BST1: variants seen among roughly 807,000 people sequenced by gnomAD.
BST1 encodes the protein ADP-ribosyl cyclase/cyclic ADP-ribose hydrolase 2.
Under a neutral mutation model 40.6 loss-of-function variants are expected in BST1, and 49 were observed. That is an observed-to-expected ratio of 1.21 (90% CI 0.96 to 1.53). The LOEUF is 1.53. Ranked by LOEUF, BST1 falls within the 40% of genes most tolerant of loss-of-function variation. The pLI is 0.00. For missense variants in BST1, 423 were observed against 395.9 expected (o/e 1.07, Z -0.58); for synonymous variants, 157 against 159.3 (o/e 0.99, Z 0.11).
the BST1 span, among the ~76,000 whole-genome samples, chr4:15,769,107 A>G: frequency 6.6e-6 from 1 of 152,136 alleles, no homozygotes; most frequent in Non-Finnish European, 1.5e-5. Context: ...TATGAATTCC[A>G]GCATCTCCCT....
the BST1 span, among the ~76,000 whole-genome samples, chr4:15,763,307 C>A: frequency 6.6e-6 from 1 of 151,312 alleles, no homozygotes; most frequent in Non-Finnish European, 1.5e-5. Context: ...AAAGATAAGG[C>A]AAAATATGTA....
At chr4:15,750,530 T>A in the BST1 span, among the ~76,000 whole-genome samples, 2 of 152,196 alleles carry the variant, frequency 1.3e-5, no homozygotes, top group Admixed American at 1.3e-4. Flanking sequence ...ATAAGACAGA[T>A]GTTGCTCTCA....
At chr4:15,746,442 G>A in the BST1 span, among the ~76,000 whole-genome samples, 313 of 152,286 alleles carry the variant, frequency 2.1e-3, 4 homozygotes, top group African/African-American at 7.1e-3. Flanking sequence ...CAAGAGCATC[G>A]CACTAGTATC....
intron 7 of BST1, among the ~76,000 whole-genome samples, chr4:15,721,053 C>G (rs1322771095): frequency 1.3e-5 from 2 of 152,208 alleles, no homozygotes; most frequent in African/African-American, 4.8e-5. Flanking sequence ...CAGGGCTCTT[C>G]TCTTCCAGGC....
intron 8 of BST1, chr4:15,731,066 T>C: frequency 2.0e-6 from 1 of 505,626 alleles, no homozygotes; most frequent in Non-Finnish European, 3.6e-6. Context: ...ACCAAGAAGT[T>C]GACAGGCAGG....
the BST1 span, among the ~76,000 whole-genome samples, chr4:15,774,029 T>G: frequency 6.6e-6 from 1 of 152,058 alleles, no homozygotes; most frequent in Admixed American, 6.6e-5. Context: ...GGTAATAGCT[T>G]CAAAAAGGTA....
intron 6 of BST1, among the ~76,000 whole-genome samples, chr4:15,716,354 A>T (rs1417846341): frequency 6.6e-6 from 1 of 152,232 alleles, no homozygotes; most frequent in Non-Finnish European, 1.5e-5. Flanking sequence ...AAGATAAAAA[A>T]GTTAAACTGA....
At chr4:15,731,626 A>G (rs1271141819) in intron 8 of BST1, 114 bp from the exon 9 acceptor site, 3 of 1,396,152 alleles carry the variant, frequency 2.1e-6, no homozygotes, top group African/African-American at 1.4e-5. Flanking sequence ...TTTGCTGCTC[A>G]TGGCTTCTCG....
At chr4:15,733,253 GAC>G (rs1721451330), downstream of BST1, among the ~76,000 whole-genome samples, 1 of 152,186 alleles carries the variant, frequency 6.6e-6, no homozygotes, top group Non-Finnish European at 1.5e-5. Context: ...CCTTTAGCTA[GAC>G]ACAGAGTGCT....
chr4:15,707,704 C>T (rs1719958859), intron 3 of BST1, 58 bp downstream of exon 3: 1 of 1,587,860 alleles, frequency 6.3e-7, no homozygotes, highest in Non-Finnish European at 8.6e-7. Flanking sequence ...TATGCATTAC[C>T]ATTTGTGCTA....
At chr4:15,730,691 G>A (rs1158628110) in intron 8 of BST1, among the ~76,000 whole-genome samples, 1 of 152,182 alleles carries the variant, frequency 6.6e-6, no homozygotes, top group Non-Finnish European at 1.5e-5. Flanking sequence ...AATGTCTTGA[G>A]ATGGTATTTC....
downstream of BST1, among the ~76,000 whole-genome samples, chr4:15,740,237 TG>T (rs549874593): frequency 7.0e-4 from 107 of 152,202 alleles, 1 homozygote; most frequent in Non-Finnish European, 1.4e-3. Context: ...GTATTCTTTT[TG>T]CTAGAGACGG....
the BST1 span, among the ~76,000 whole-genome samples, chr4:15,758,005 A>G: frequency 6.6e-6 from 1 of 152,154 alleles, no homozygotes. Context: ...ATTTTTAATA[A>G]CAATTTTTAT....
chr4:15,773,469 GCT>G, the BST1 span, among the ~76,000 whole-genome samples: 8 of 152,316 alleles, frequency 5.3e-5, no homozygotes, highest in African/African-American at 1.9e-4. Flanking sequence ...CCAGCCATGA[GCT>G]CTCTCATCTT....
chr4:15,736,153 T>A (rs1721555176), downstream of BST1: 1 of 1,279,748 alleles, frequency 7.8e-7, no homozygotes, highest in Admixed American at 2.3e-5. Flanking sequence ...GTTTCAAACA[T>A]ATCATTGCCT....
chr4:15,746,355 C>T, the BST1 span, among the ~76,000 whole-genome samples: 2,104 of 152,270 alleles, frequency 0.014, 52 homozygotes, highest in African/African-American at 0.048. Context: ...ATTTCCTGCT[C>T]CTATAACATA....
the BST1 span, among the ~76,000 whole-genome samples, chr4:15,759,146 T>C: frequency 1.3e-5 from 2 of 151,884 alleles, no homozygotes; most frequent in Non-Finnish European, 2.9e-5. Context: ...TATTACAGAA[T>C]ATTAGGAAGC....
At chr4:15,728,799 C>T (rs1721246254) in intron 8 of BST1, among the ~76,000 whole-genome samples, 1 of 152,020 alleles carries the variant, frequency 6.6e-6, no homozygotes, top group Non-Finnish European at 1.5e-5. Flanking sequence ...GTGTGAGCTA[C>T]CACGCCTGGC....
the BST1 span, among the ~76,000 whole-genome samples, chr4:15,747,214 G>T: frequency 6.6e-6 from 1 of 152,264 alleles, no homozygotes; most frequent in Admixed American, 6.5e-5. Context: ...GATCACTTTT[G>T]ATTGTAAAGG....
Sources: gnomAD v4.1 joint callset for allele counts (sites outside exome capture counted in the v4.1 genomes callset) on GRCh38, gnomAD v4.1.1 for gene constraint, MANE v1.5 for transcripts, NCBI Gene and HGNC (gene_info 2026-07-23, HGNC 2026-07-21) for gene names.